Variants in ADGRL1 observed in about 807,000 individuals in gnomAD.
The protein encoded by ADGRL1 is CIRL-1.
In ADGRL1, 31 loss-of-function variants were observed where a neutral mutation model predicts 148.9. That is an observed-to-expected ratio of 0.21 (90% CI 0.16 to 0.28). The LOEUF is 0.28. Ranked by LOEUF, ADGRL1 falls within the 10% of genes least tolerant of loss-of-function variation. ADGRL1 has a pLI of 1.00. For missense variants in ADGRL1, 1,521 were observed against 2,058.8 expected (o/e 0.74, Z 5.05); for synonymous variants, 937 against 900.3 (o/e 1.04, Z -0.73).
intron 1 of ADGRL1, among the ~76,000 whole-genome samples, chr19:14,205,086 CA>C (rs1170742683): frequency 1.3e-5 from 2 of 151,954 alleles, no homozygotes; most frequent in African/African-American, 2.4e-5. Flanking sequence ...AGATGGGGGC[CA>C]GGGGTGCACT....
Position 14,163,393 on chromosome 19 carries a change from T to C in ADGRL1, c.408A>G (p.Pro136=). Residue 136 remains proline, a synonymous_variant, in exon 5 of 23, where the codon CCA becomes CCG. Coordinates refer to ENST00000361434, the MANE Select transcript of ADGRL1 (RefSeq NM_014921.5). ...GCTCCAGCACCTTCTGCAGGGTCCC[T>C]GGGCACACGAAGACTGGGCAGAGTG... is the stretch of plus-strand genomic sequence containing the variant. ...YDCVPYIFVC[P]GTLQKVLEPT... The C allele has an allele frequency of 6.4e-7, 1 of 1,560,760 alleles. No homozygotes were observed.
rs913055062 is a variant in ADGRL1, at chr19:14,183,619, G to A, written c.-17C>T. On this transcript the variant is annotated 5_prime_UTR_variant, in exon 2 of 23. In the 5' UTR this introduces an upstream ATG that the reference lacks. Coordinates refer to ENST00000361434, the MANE Select transcript of ADGRL1 (RefSeq NM_014921.5). ...GCGGGCCATGGTGGCAGCCGGGTGC[G>A]TGTCCGGAGCTCTCAGTGGCCTGTG... is the stretch of plus-strand genomic sequence containing the variant. 27 of 1,561,236 alleles carry A rather than the reference G, an allele frequency of 1.7e-5. No individual in the cohort carries two copies. The highest frequency in any genetic ancestry group is 5.4e-5 in the African/African-American group (4 of 73,578).
At chr19:14,153,411 ATTTTTTTTT>A (rs36035971) in intron 18 of ADGRL1, among the ~76,000 whole-genome samples, 5 of 112,324 alleles carry the variant, frequency 4.5e-5, no homozygotes, top group Admixed American at 9.5e-5. Flanking sequence ...GCAGGTTGTG[ATTTTTTTTT>A]TTTTTTTTTT....
At chr19:14,182,839 G>A (rs1971294094) in intron 2 of ADGRL1, among the ~76,000 whole-genome samples, 1 of 152,216 alleles carries the variant, frequency 6.6e-6, no homozygotes, top group Non-Finnish European at 1.5e-5. Context: ...TTCAACCTTT[G>A]GAGCTTTCCA....
Position 14,161,716 on chromosome 19 carries a change from C to G in ADGRL1, c.1196-90G>C. On this transcript the variant is annotated intron_variant, in intron 5 of 22. Transcript: ENST00000361434. The surrounding 1 kb of genome is among the most constrained non-coding windows in gnomAD (Gnocchi z 4.4). ...AGGGGGTCCCAGGCCATCTTAGCAT[C>G]TTCCTCATCTACTGAAGTGGAAACA... The G allele has an allele frequency of 1.1e-6, 1 of 922,764 alleles. No homozygotes were observed. Among genetic ancestry groups the G allele is most frequent in the Non-Finnish European group, 1.5e-6 (1 of 682,996 alleles). 57.2% of individuals were successfully genotyped at this position (922,764 alleles called of 1,614,324 possible).
In ADGRL1 at chr19:14,155,506, G is replaced by A. The variant is rs541559490; in HGVS notation, c.3147C>T (p.Ile1049=). 21 of 1,613,750 alleles carry A rather than the reference G, an allele frequency of 1.3e-5. No homozygotes were observed. The East Asian group carries it at 2.0e-4, about 15-fold the overall frequency. Residue 1049 remains isoleucine, a synonymous_variant, in exon 18 of 23, where the codon ATC becomes ATT. Transcript: ENST00000361434. The surrounding 1 kb of genome is among the most constrained non-coding windows in gnomAD (Gnocchi z 5.0). The stretch of plus-strand genomic sequence containing the variant: ...TGAGGCCCAGCAGGAACAGCAGCGC[G>A]ATGGCCCCCAGCGCCCAGGATCTGG... ...DNIKSWALGA[I]ALLFLLGLTW...
intron 2 of ADGRL1, among the ~76,000 whole-genome samples, chr19:14,183,218 C>CGAGAGAGA (rs1262220395): frequency 3.2e-5 from 4 of 124,868 alleles, no homozygotes; most frequent in African/African-American, 1.1e-4. Context: ...AGAGAGAGAG[C>CGAGAGAGA]GAGAGAGAGA....
Position 14,177,709 on chromosome 19 carries a change from G to C in ADGRL1, c.106C>G (p.Arg36Gly). 1 of 1,613,554 alleles carries C rather than the reference G, an allele frequency of 6.2e-7. No homozygotes were observed. Among genetic ancestry groups the C allele is most frequent in the Non-Finnish European group, 8.5e-7 (1 of 1,179,968 alleles). ...SRAGLPFGLM[R>G]RELACEGYPI... ...TAGCCTTCACACGCCAGCTCCCGGCGCATCAGCCCGAACGGGAGCCCGGCC... is the reference window on the plus strand; with the variant it reads ...TAGCCTTCACACGCCAGCTCCCGGCCCATCAGCCCGAACGGGAGCCCGGCC... The change falls in exon 3 of 23, where the codon CGC becomes GGC. Residue 36 changes from arginine (R) to glycine (G), a missense_variant. By Grantham distance (125) the Arg-to-Gly change is moderately radical (BLOSUM62 -2). This residue lies in a region of ADGRL1 where 334 missense variants were observed against 512.5 expected (regional missense o/e 0.65). Transcript: ENST00000361434.
At chr19:14,166,590 G>C (rs2144810879) in intron 4 of ADGRL1, among the ~76,000 whole-genome samples, 1 of 152,056 alleles carries the variant, frequency 6.6e-6, no homozygotes, top group East Asian at 1.9e-4. Context: ...GAAAGAGAGA[G>C]AGAGAGAGAG....
chr19:14,175,440 C>T (rs1970754877), intron 3 of ADGRL1, among the ~76,000 whole-genome samples: 1 of 150,416 alleles, frequency 6.6e-6, no homozygotes, highest in South Asian at 2.1e-4. Context: ...TGAAAACACA[C>T]ACCTCAGTCA....
rs534157583 is a variant in ADGRL1, at chr19:14,157,758, C to G, written c.2535+124G>C. The G allele has an allele frequency of 6.5e-6, 8 of 1,224,992 alleles. No homozygotes were observed. The South Asian group carries it at 9.2e-5, about 14-fold the overall frequency. 75.9% of individuals were successfully genotyped at this position (1,224,992 alleles called of 1,614,324 possible). A position where few individuals can be genotyped will look rare whatever the true frequency, so the allele number is the denominator to read the frequency against. On this transcript the variant is annotated intron_variant, in intron 13 of 22. Coordinates refer to ENST00000361434, the MANE Select transcript of ADGRL1 (RefSeq NM_014921.5). This position sits in a 1 kb window ranked among gnomAD's most constrained non-coding sequence, Gnocchi z 7.5. ...CATGGCCTCATGCCCCAGGCAAGAC[C>G]AGGGGCCCCCCACACCCATGGGGCT...
At chr19:14,175,644 ACAC>A (rs1970775816) in intron 3 of ADGRL1, among the ~76,000 whole-genome samples, 1 of 152,152 alleles carries the variant, frequency 6.6e-6, no homozygotes, top group African/African-American at 2.4e-5. Flanking sequence ...GTTTAGTCAC[ACAC>A]ATCTGCACAC....
chr19:14,165,908 C>T (rs1402035374), intron 4 of ADGRL1, among the ~76,000 whole-genome samples: 3 of 152,238 alleles, frequency 2.0e-5, no homozygotes, highest in East Asian at 1.9e-4. Context: ...CTGCTGCTGC[C>T]GGCCTCAGAT....
At chr19:14,176,139 A>G (rs1366217741) in intron 3 of ADGRL1, among the ~76,000 whole-genome samples, 2 of 152,000 alleles carry the variant, frequency 1.3e-5, no homozygotes, top group Admixed American at 1.3e-4. Flanking sequence ...TCATGAGGTC[A>G]AGAGATCGAG....
At position 14,150,519 on chromosome 19, in the gene ADGRL1, C is replaced by T. The variant is rs140869455; in HGVS notation, c.*354G>A. 4.1e-6 allele frequency: 1 copy of T among 244,074 alleles called. No individual in the cohort carries two copies. The highest frequency in any genetic ancestry group is 7.9e-6 in the Non-Finnish European group (1 of 126,076). 15.1% of individuals were successfully genotyped at this position (244,074 alleles called of 1,614,324 possible). Reference sequence around the variant, plus strand: ...CCCCTCCCTGCCCAGGAAACTAAAGCCCTCATTTCCCTTCACAGGGTAGAA... The same window carrying T: ...CCCCTCCCTGCCCAGGAAACTAAAGTCCTCATTTCCCTTCACAGGGTAGAA... On this transcript the variant is annotated 3_prime_UTR_variant, in exon 23 of 23. Coordinates refer to ENST00000361434, the MANE Select transcript of ADGRL1 (RefSeq NM_014921.5).
chr19:14,179,254 A>G lies in ADGRL1; in HGVS notation c.71-1510T>C, dbSNP rs144898761. On this transcript the variant is annotated intron_variant, in intron 2 of 22. Transcript: ENST00000361434. ...TCACGCCTATAATCCCAGCACTTTG[A>G]GAGGCCAGGGTGGGCAGATCATGAG... is the stretch of plus-strand genomic sequence containing the variant. Among the ~76,000 whole-genome samples the G allele has an allele frequency of 6.7e-3, 1,010 of 151,802 alleles. 11 individuals are homozygous for G. Among genetic ancestry groups the G allele is most frequent in the African/African-American group, 0.023 (934 of 41,394 alleles).
chr19:14,195,284 G>A (rs547208309), intron 1 of ADGRL1, among the ~76,000 whole-genome samples: 49 of 152,260 alleles, frequency 3.2e-4, no homozygotes, highest in African/African-American at 9.4e-4. Context: ...GTCAAGGGTC[G>A]GTGCGGCAGG....
Position 14,152,245 on chromosome 19 carries a change from C to A in ADGRL1, c.3649+64G>T. ...GTTCTGGGGCACAGAACATCCCATG[C>A]AGAGGTCCCTTGGGACACAAACCCT... On this transcript the variant is annotated intron_variant, in intron 21 of 22. Transcript: ENST00000361434. This position sits in a 1 kb window ranked among gnomAD's most constrained non-coding sequence, Gnocchi z 6.1. 1.9e-6 allele frequency: 3 copies of A among 1,613,558 alleles called. No individual in the cohort carries two copies. The highest frequency in any genetic ancestry group is 2.5e-6 in the Non-Finnish European group (3 of 1,179,628).
chr19:14,168,117 G>A (rs763449944), intron 4 of ADGRL1, among the ~76,000 whole-genome samples: 1 of 152,034 alleles, frequency 6.6e-6, no homozygotes, highest in Non-Finnish European at 1.5e-5. Context: ...GGGCCAGGTG[G>A]CTGCCCAGGC....
Sources: allele counts gnomAD v4.1 joint callset (sites outside exome capture counted in the v4.1 genomes callset), GRCh38; gene constraint gnomAD v4.1.1; regional missense constraint gnomAD v4.1.1; non-coding constraint Gnocchi (gnomAD v3.1); transcripts MANE v1.5; gene names NCBI Gene and HGNC (gene_info 2026-07-23, HGNC 2026-07-21).